The following CTNNA3 variants were observed in gnomAD, a reference collection of about 807,000 sequenced individuals.
CTNNA3 encodes catenin alpha 3, also known as catenin alpha-3.
A neutral mutation model predicts 95.7 loss-of-function variants in CTNNA3; 76 were observed. The ratio of observed to expected loss-of-function variants is 0.79; its 90% CI spans 0.66 to 0.96. The LOEUF (loss-of-function observed/expected upper bound fraction) is 0.96. CTNNA3 is among the 40% of genes least tolerant of loss of function. The pLI, the probability that CTNNA3 is intolerant of heterozygous loss-of-function variation, is 0.00. For synonymous variants in CTNNA3, 431 were observed against 374.4 expected, an observed-to-expected ratio of 1.15 and a Z score of -1.74; for missense variants, 1,191 against 1,089.8, an observed-to-expected ratio of 1.09 and a Z score of -1.31.
At chr10:67,252,808 CT>C (rs1866163562) in intron 5 of CTNNA3, among the ~76,000 whole-genome samples, 1 of 152,164 alleles carries the variant, frequency 6.6e-6, no homozygotes. Flanking sequence ...GTGCAACATG[CT>C]GTCAATCAGA....
At chr10:67,566,041 GTGTATATA>G (rs1476196361) in intron 3 of CTNNA3, among the ~76,000 whole-genome samples, 10 of 29,436 alleles carry the variant, frequency 3.4e-4, no homozygotes, top group South Asian at 2.3e-3. Context: ...ATATGTGTGT[GTGTATATA>G]TATATATATA....
rs1183422478 is a variant in CTNNA3 at position 66,157,479 on chromosome 10, ATAGATAGATATG to A, written c.1885-54242_1885-54231del. 5.6e-4 allele frequency among the ~76,000 whole-genome samples: 71 copies of A among 126,454 alleles called. 1 individual carries two copies. Among genetic ancestry groups the A allele is most frequent in the African/African-American group, 1.4e-3 (47 of 32,940 alleles). The allele number at this position is 126,454 out of a possible 152,430, so 83.0% of individuals were successfully genotyped here. A position where few individuals can be genotyped will look rare whatever the true frequency, so the allele number is the denominator to read the frequency against. ...AGATAGATAGATAGACAGATGATAG[ATAGATAGATATG>A]TAGATAGATAGATAGATAGATAGAT... is the stretch of plus-strand genomic sequence containing the variant. On this transcript the variant is annotated intron_variant, in intron 13 of 17. Transcript: ENST00000433211.
chr10:66,732,486 T>C (rs1848993459), intron 9 of CTNNA3, among the ~76,000 whole-genome samples: 1 of 152,166 alleles, frequency 6.6e-6, no homozygotes, highest in African/African-American at 2.4e-5. Context: ...CGACTCACAG[T>C]TCAGCATGGC....
chr10:67,313,135 T>C (rs1365847037), intron 5 of CTNNA3, among the ~76,000 whole-genome samples: 2 of 152,132 alleles, frequency 1.3e-5, no homozygotes, highest in Non-Finnish European at 2.9e-5. Flanking sequence ...ACTGTGGCCA[T>C]TATAAATTAT....
At chr10:66,738,424 G>A (rs969916008) in intron 9 of CTNNA3, among the ~76,000 whole-genome samples, 1 of 152,136 alleles carries the variant, frequency 6.6e-6, no homozygotes, top group Non-Finnish European at 1.5e-5. Flanking sequence ...CTCACAAGCT[G>A]CATCTCTGCA....
At chr10:66,370,600 C>T (rs780167916) in intron 12 of CTNNA3, among the ~76,000 whole-genome samples, 19 of 152,126 alleles carry the variant, frequency 1.2e-4, no homozygotes, top group Non-Finnish European at 1.9e-4. Flanking sequence ...CCTTAGCTCT[C>T]AAGGTAGCTG....
intron 7 of CTNNA3, among the ~76,000 whole-genome samples, chr10:66,851,661 C>CACACAA (rs1414470354): frequency 2.8e-5 from 3 of 106,126 alleles, no homozygotes; most frequent in African/African-American, 1.1e-4. Context: ...CACACACACA[C>CACACAA]ACACACACAC....
intron 1 of CTNNA3, among the ~76,000 whole-genome samples, chr10:67,757,843 T>C (rs1841441949): frequency 6.6e-6 from 1 of 152,214 alleles, no homozygotes; most frequent in South Asian, 2.1e-4. Flanking sequence ...TAATAAACTC[T>C]CTTTAATATA....
Position 66,675,409 on chromosome 10 carries a change from C to T in CTNNA3, c.1282-53625G>A, listed in dbSNP as rs1269315470. On this transcript the variant is annotated intron_variant, in intron 9 of 17. Coordinates refer to ENST00000433211, the MANE Select transcript of CTNNA3 (RefSeq NM_013266.4). ...AAAATGAGTTGGTTTAACTTCCCAT[C>T]CTAAAGCTGGAAATTATATTTTGGA... Among the ~76,000 whole-genome samples, 4 of 152,026 alleles carry T rather than the reference C, an allele frequency of 2.6e-5. No individual in the cohort carries two copies. The East Asian group carries it at 7.7e-4, about 29-fold the overall frequency.
chr10:66,648,675 A>G lies in CTNNA3; in HGVS notation c.1282-26891T>C, dbSNP rs193244191. On this transcript the variant is annotated intron_variant, in intron 9 of 17. Transcript: ENST00000433211. ...AAAAATGATTGTAAAAAAATCAAAGATGATTCCCAGACTTTTGTTTGGGAA... is the reference window on the plus strand; with the variant it reads ...AAAAATGATTGTAAAAAAATCAAAGGTGATTCCCAGACTTTTGTTTGGGAA... 3.9e-4 allele frequency among the ~76,000 whole-genome samples: 42 copies of G among 106,542 alleles called. No homozygotes were observed. The South Asian group carries it at 0.013, about 34-fold the overall frequency. The allele number at this position is 106,542 out of a possible 152,430, so 69.9% of individuals were successfully genotyped here.
intron 9 of CTNNA3, among the ~76,000 whole-genome samples, chr10:66,756,811 A>T (rs915183553): frequency 2.8e-4 from 43 of 152,212 alleles, no homozygotes; most frequent in African/African-American, 1.0e-3. Context: ...TTCTCACCAA[A>T]ATAACGTCCT....
chr10:67,322,148 T>C (rs1211397603), intron 5 of CTNNA3, among the ~76,000 whole-genome samples: 2 of 152,248 alleles, frequency 1.3e-5, no homozygotes, highest in African/African-American at 4.8e-5. Flanking sequence ...ATTATAACAT[T>C]ACAAATTTTA....
chr10:67,142,341 A>AT (rs1260243324), intron 7 of CTNNA3, among the ~76,000 whole-genome samples: 2 of 151,588 alleles, frequency 1.3e-5, no homozygotes, highest in Non-Finnish European at 2.9e-5. Context: ...CAAAAAAAAA[A>AT]TTTTTTTAAT....
At chr10:66,990,857 C>T (rs1054577890) in intron 7 of CTNNA3, among the ~76,000 whole-genome samples, 1 of 152,140 alleles carries the variant, frequency 6.6e-6, no homozygotes, top group Non-Finnish European at 1.5e-5. Context: ...GTATCATGGG[C>T]ATCTTTAGCA....
intron 10 of CTNNA3, among the ~76,000 whole-genome samples, chr10:66,609,387 A>G (rs1844248066): frequency 6.8e-6 from 1 of 147,292 alleles, no homozygotes; most frequent in African/African-American, 2.5e-5. Flanking sequence ...TAGTATGTAT[A>G]AGAAACTTAT....
chr10:66,605,431 C>CA (rs1743196749), intron 10 of CTNNA3, among the ~76,000 whole-genome samples: 1 of 152,024 alleles, frequency 6.6e-6, no homozygotes, highest in Non-Finnish European at 1.5e-5. Context: ...CTAGAGAGGC[C>CA]AACATTCAAA....
chr10:66,658,456 A>C (rs1564600290), intron 9 of CTNNA3, among the ~76,000 whole-genome samples: 1 of 152,218 alleles, frequency 6.6e-6, no homozygotes, highest in Non-Finnish European at 1.5e-5. Flanking sequence ...ATTACCTTTT[A>C]AAATTCCTGA....
chr10:66,528,534 G>A (rs969667755), intron 10 of CTNNA3, among the ~76,000 whole-genome samples: 2 of 152,142 alleles, frequency 1.3e-5, no homozygotes, highest in African/African-American at 4.8e-5. Flanking sequence ...AGAGACTCTA[G>A]AAATGTGTTC....
chr10:67,331,529 G>A (rs574527358), intron 5 of CTNNA3, among the ~76,000 whole-genome samples: 93 of 151,972 alleles, frequency 6.1e-4, no homozygotes, highest in Non-Finnish European at 1.1e-3. Flanking sequence ...GGGGAGGGCC[G>A]GGGGAGGGAC....
Sources: allele counts gnomAD v4.1 joint callset (sites outside exome capture counted in the v4.1 genomes callset), GRCh38; gene constraint gnomAD v4.1.1; transcripts MANE v1.5; gene names NCBI Gene and HGNC (gene_info 2026-07-23, HGNC 2026-07-21).